Variants in EFHD1 observed in about 807,000 individuals in gnomAD.
The protein encoded by EFHD1 is EF-hand domain family member D1.
EFHD1 carries 10 observed loss-of-function variants against 17.2 expected under a neutral mutation model. That is an observed-to-expected ratio of 0.58 (90% confidence interval 0.36 to 0.99). EFHD1 has a LOEUF of 0.99. Ranked by LOEUF, EFHD1 falls within the 50% of genes least tolerant of loss-of-function variation. EFHD1 has a pLI of 0.01. For synonymous variants in EFHD1, 153 were observed against 142.0 expected (o/e 1.08, Z -0.55); for missense variants, 310 against 327.5 (o/e 0.95, Z 0.41).
upstream of EFHD1, chr2:232,633,514 G>A: frequency 1.6e-6 from 2 of 1,264,956 alleles, no homozygotes; most frequent in Non-Finnish European, 2.0e-6. Context: ...GAGCCCTGGC[G>A]CCTCCTTAAA....
chr2:232,613,913 C>T (rs567649970), intron 1 of EFHD1, among the ~76,000 whole-genome samples: 9 of 151,740 alleles, frequency 5.9e-5, no homozygotes, highest in Admixed American at 1.3e-4. Context: ...CAAATATACA[C>T]ACACAAATAT....
intron 1 of EFHD1, among the ~76,000 whole-genome samples, chr2:232,659,913 G>A (rs1440218865): frequency 6.6e-6 from 1 of 152,244 alleles, no homozygotes; most frequent in Non-Finnish European, 1.5e-5. Context: ...GCAAGACAGA[G>A]CAAGCGGGGA....
chr2:232,672,683 G>T (rs912714021), intron 3 of EFHD1, among the ~76,000 whole-genome samples: 1 of 152,174 alleles, frequency 6.6e-6, no homozygotes, highest in Non-Finnish European at 1.5e-5. Flanking sequence ...TGATGGAGGG[G>T]TGACAATAGA....
At chr2:232,622,203 T>C (rs187455070) in intron 1 of EFHD1, among the ~76,000 whole-genome samples, 5 of 152,120 alleles carry the variant, frequency 3.3e-5, no homozygotes, top group Non-Finnish European at 2.9e-5. Flanking sequence ...CATGGTGGCT[T>C]ACGCCTGTAA....
At chr2:232,677,450 T>C (rs1374757898) in intron 3 of EFHD1, among the ~76,000 whole-genome samples, 1 of 151,812 alleles carries the variant, frequency 6.6e-6, no homozygotes, top group Non-Finnish European at 1.5e-5. Context: ...CCTGGTGCAG[T>C]GGCTCATGCC....
intron 1 of EFHD1, among the ~76,000 whole-genome samples, chr2:232,623,116 G>A (rs541902116): frequency 6.6e-6 from 1 of 152,122 alleles, no homozygotes; most frequent in African/African-American, 2.4e-5. Context: ...GCACGATCAG[G>A]GCTCACTACA....
At chr2:232,644,475 G>A (rs1694489359) in intron 1 of EFHD1, among the ~76,000 whole-genome samples, 1 of 151,654 alleles carries the variant, frequency 6.6e-6, no homozygotes, top group South Asian at 2.1e-4. Flanking sequence ...GTGTGTGTTG[G>A]GGGGTGTTCA....
At position 232,633,863 on chromosome 2, in the gene EFHD1, G is replaced by A. The variant is rs1051883408; in HGVS notation, c.159G>A (p.Ala53=). The A allele has an allele frequency of 6.6e-7, 1 of 1,515,720 alleles. No individual in the cohort carries two copies. Among genetic ancestry groups the A allele is most frequent in the African/African-American group, 1.4e-5 (1 of 69,740 alleles). 93.9% of individuals were successfully genotyped at this position (1,515,720 alleles called of 1,614,324 possible). ...GTGCGCCCACGGCCAGCGCCGACGC[G>A]GAGCTGAGCGCCCAGCTGAGCCGGC... The part of the protein sequence containing the change: ...PARAPTASAD[A]ELSAQLSRRL... Residue 53 remains alanine, a synonymous_variant, in exon 1 of 4, where the codon GCG becomes GCA. Transcript: ENST00000264059.
intron 1 of EFHD1, among the ~76,000 whole-genome samples, chr2:232,613,898 A>ACG (rs1477353981): frequency 6.6e-5 from 10 of 151,596 alleles, no homozygotes; most frequent in African/African-American, 2.4e-4. Context: ...ACACACAAAC[A>ACG]CATACAAATA....
At chr2:232,664,996 T>G (rs1348096301) in intron 2 of EFHD1, among the ~76,000 whole-genome samples, 1 of 151,926 alleles carries the variant, frequency 6.6e-6, no homozygotes, top group East Asian at 1.9e-4. Context: ...ACTGCAACCC[T>G]TATCTCCCAG....
intron 1 of EFHD1, among the ~76,000 whole-genome samples, chr2:232,642,874 T>G (rs1694458479): frequency 6.6e-6 from 1 of 152,178 alleles, no homozygotes; most frequent in Admixed American, 6.5e-5. Context: ...TCTATGCTGT[T>G]CTGCCTGTAT....
intron 3 of EFHD1, among the ~76,000 whole-genome samples, chr2:232,680,415 C>G (rs935159287): frequency 6.6e-6 from 1 of 152,080 alleles, no homozygotes; most frequent in Admixed American, 6.6e-5. Context: ...TTAAAATACT[C>G]AGATGGCACC....
chr2:232,636,573 C>T lies in EFHD1; in HGVS notation c.302+2567C>T, dbSNP rs576517343. On this transcript the variant is annotated intron_variant, in intron 1 of 3. Coordinates refer to ENST00000264059, the MANE Select transcript of EFHD1 (RefSeq NM_025202.4). ...GGGTGTGGTGGCTCACACCTGTAAT[C>T]GCAGCACTTTGGGAGGCTGAGGCAG... Among the ~76,000 whole-genome samples, 7 of 152,238 alleles carry T rather than the reference C, an allele frequency of 4.6e-5. No individual in the cohort carries two copies. In the East Asian group the frequency reaches 9.7e-4, roughly 21 times the overall value.
At chr2:232,650,133 C>T (rs955200992) in intron 1 of EFHD1, 5 of 151,634 alleles carry the variant, frequency 3.3e-5, no homozygotes, top group East Asian at 1.9e-4. Flanking sequence ...GGCAACATAG[C>T]GAGGCCCTAT....
At chr2:232,631,443 C>A (rs1390280759), upstream of EFHD1, among the ~76,000 whole-genome samples, 6 of 151,754 alleles carry the variant, frequency 4.0e-5, no homozygotes, top group Admixed American at 6.6e-5. Context: ...TACTACCACA[C>A]CTGGCTAGTT....
chr2:232,680,323 G>A (rs866166262), intron 3 of EFHD1, among the ~76,000 whole-genome samples: 2 of 151,830 alleles, frequency 1.3e-5, no homozygotes, highest in South Asian at 4.1e-4. Context: ...TATAAATTGA[G>A]ACACACACTC....
chr2:232,645,910 C>T (rs1297244460), intron 1 of EFHD1, among the ~76,000 whole-genome samples: 1 of 152,212 alleles, frequency 6.6e-6, no homozygotes, highest in East Asian at 1.9e-4. Flanking sequence ...GCCCGTCTCA[C>T]TAATGTTCTT....
chr2:232,633,606 A>C lies in EFHD1; in HGVS notation c.-99A>C. On this transcript the variant is annotated 5_prime_UTR_variant, in exon 1 of 4. Transcript: ENST00000264059. ...CGCCGGGTCCCCGCCGCCTCGGCGGAGTGTTGTAGAGCCTCGAGCCTGCGA... is the reference window on the plus strand; with the variant it reads ...CGCCGGGTCCCCGCCGCCTCGGCGGCGTGTTGTAGAGCCTCGAGCCTGCGA... The C allele has an allele frequency of 7.7e-7, 1 of 1,300,898 alleles. No homozygotes were observed. Among genetic ancestry groups the C allele is most frequent in the Non-Finnish European group, 9.7e-7 (1 of 1,028,472 alleles). The allele number at this position is 1,300,898 out of a possible 1,614,324, so 80.6% of individuals were successfully genotyped here. A position where few individuals can be genotyped will look rare whatever the true frequency, so the allele number is the denominator to read the frequency against.
upstream of EFHD1, among the ~76,000 whole-genome samples, chr2:232,630,200 T>G (rs549753239): frequency 1.3e-5 from 2 of 152,266 alleles, no homozygotes; most frequent in African/African-American, 4.8e-5. Context: ...TCCACCTGCC[T>G]CAGCCTCCCA....
Sources: gnomAD v4.1 joint callset for allele counts (sites outside exome capture counted in the v4.1 genomes callset) on GRCh38, gnomAD v4.1.1 for gene constraint, MANE v1.5 for transcripts, NCBI Gene and HGNC (gene_info 2026-07-23, HGNC 2026-07-21) for gene names.